Variants in PIK3R3 observed in about 807,000 individuals in gnomAD.
PIK3R3 encodes the protein phosphatidylinositol 3-kinase regulatory subunit gamma.
Under a neutral mutation model 62.9 loss-of-function variants are expected in PIK3R3, and 64 were observed. That is an observed-to-expected ratio of 1.02 (90% CI 0.83 to 1.25). PIK3R3 has a LOEUF of 1.25. Ranked by LOEUF, PIK3R3 falls within the 50% of genes most tolerant of loss-of-function variation. The pLI, the probability that PIK3R3 is intolerant of heterozygous loss-of-function variation, is 0.00. For synonymous variants in PIK3R3, 165 were observed against 189.0 expected, an observed-to-expected ratio of 0.87 and a Z score of 1.04; for missense variants, 614 against 561.6, an observed-to-expected ratio of 1.09 and a Z score of -0.94.
chr1:46,131,601 G>A (rs1571585923), intron 1 of PIK3R3: 2 of 535,564 alleles, frequency 3.7e-6, no homozygotes, highest in South Asian at 1.7e-5. Context: ...ATTTTAAAAA[G>A]GGGTCTCTCC....
At chr1:46,119,913 G>T (rs773893652) in intron 1 of PIK3R3, among the ~76,000 whole-genome samples, 1 of 151,804 alleles carries the variant, frequency 6.6e-6, no homozygotes, top group African/African-American at 2.4e-5. Context: ...AAGTAGCTGG[G>T]ACTATAAGAA....
At chr1:46,143,108 T>C in the PIK3R3 span, among the ~76,000 whole-genome samples, 4 of 152,220 alleles carry the variant, frequency 2.6e-5, no homozygotes, top group Non-Finnish European at 5.9e-5. Flanking sequence ...CACTCAATAA[T>C]GAAATTACAG....
At chr1:46,150,683 T>G in the PIK3R3 span, among the ~76,000 whole-genome samples, 1 of 152,100 alleles carries the variant, frequency 6.6e-6, no homozygotes, top group Non-Finnish European at 1.5e-5. Flanking sequence ...GAACCCAGAG[T>G]GGAAGCAGAG....
chr1:46,149,000 G>T, the PIK3R3 span, among the ~76,000 whole-genome samples: 42 of 152,280 alleles, frequency 2.8e-4, 1 homozygote, highest in Middle Eastern at 0.034. Context: ...AGGTCACAAA[G>T]ACTCCACTGA....
intron 1 of PIK3R3, among the ~76,000 whole-genome samples, chr1:46,108,100 A>G (rs942183686): frequency 6.6e-6 from 1 of 152,210 alleles, no homozygotes; most frequent in Admixed American, 6.5e-5. Context: ...ATTATGCCCT[A>G]AACAATCTCT....
chr1:46,045,617 C>A (rs867566812), intron 9 of PIK3R3, among the ~76,000 whole-genome samples: 2 of 21,212 alleles, frequency 9.4e-5, no homozygotes, highest in Non-Finnish European at 7.9e-5. Context: ...CAATTAAGTG[C>A]TTTTTTTTTT....
rs1027136426 is a variant in PIK3R3 at position 46,129,561 on chromosome 1, G to C, written c.106+2286C>G. On this transcript the variant is annotated intron_variant, in intron 1 of 9. Coordinates refer to ENST00000262741, the MANE Select transcript of PIK3R3 (RefSeq NM_003629.4). ...CCGTGGCTTGAACAGGATAGAAATG[G>C]GAGAGCAGTTAGTACGCTATCACAG... Among the ~76,000 whole-genome samples, 6 of 152,034 alleles carry C rather than the reference G, an allele frequency of 3.9e-5. No homozygotes were observed. In the East Asian group the frequency reaches 1.2e-3, roughly 29 times the overall value.
intron 1 of PIK3R3, among the ~76,000 whole-genome samples, chr1:46,102,379 T>A (rs1652779659): frequency 6.6e-6 from 1 of 152,228 alleles, no homozygotes; most frequent in African/African-American, 2.4e-5. Context: ...GCTACTTGTA[T>A]AAAGGAATCC....
At chr1:46,075,198 A>T (rs1248757975) in intron 3 of PIK3R3, among the ~76,000 whole-genome samples, 3 of 152,264 alleles carry the variant, frequency 2.0e-5, no homozygotes, top group Non-Finnish European at 4.4e-5. Context: ...AACAGTTCAC[A>T]GCATGGACTG....
the PIK3R3 span, among the ~76,000 whole-genome samples, chr1:46,166,978 C>G: frequency 0.034 from 5,223 of 152,336 alleles, 292 homozygotes; most frequent in African/African-American, 0.12. Context: ...CAACCAGGCT[C>G]AGGAGGTCCT....
At chr1:46,100,306 ATTT>A (rs992670093) in intron 1 of PIK3R3, among the ~76,000 whole-genome samples, 5 of 152,248 alleles carry the variant, frequency 3.3e-5, no homozygotes, top group Non-Finnish European at 5.9e-5. Flanking sequence ...CATCACATAC[ATTT>A]TTTAATATGG....
At chr1:46,085,177 C>T (rs981704446) in intron 1 of PIK3R3, among the ~76,000 whole-genome samples, 2 of 152,166 alleles carry the variant, frequency 1.3e-5, no homozygotes, top group African/African-American at 4.8e-5. Flanking sequence ...AAGGCAGTTG[C>T]TACATAAAGT....
At chr1:46,071,759 A>AGAGAGAGAGGGAGAGAGAGAGAGAGAGC (rs777668187) in intron 3 of PIK3R3, among the ~76,000 whole-genome samples, 10 of 100,126 alleles carry the variant, frequency 1.0e-4, no homozygotes, top group South Asian at 9.5e-4. Flanking sequence ...AGAGAGAGAG[A>AGAGAGAGAGGGAGAGAGAGAGAGAGAGC]GCGCGCGCCT....
intron 1 of PIK3R3, among the ~76,000 whole-genome samples, chr1:46,099,583 G>C (rs780072914): frequency 6.6e-6 from 1 of 152,064 alleles, no homozygotes. Context: ...ATACAAGTAG[G>C]TATTTTTATT....
Position 46,132,052 on chromosome 1 carries a change from C to T in PIK3R3, c.-100G>A. 6.7e-7 allele frequency: 1 copy of T among 1,496,872 alleles called. No individual in the cohort carries two copies. Among genetic ancestry groups the T allele is most frequent in the Non-Finnish European group, 8.9e-7 (1 of 1,124,326 alleles). The allele number at this position is 1,496,872 out of a possible 1,614,324, so 92.7% of individuals were successfully genotyped here. ...AATATATATCTGCAAAAGTTCCACA[C>T]GGAAATGTACTTCGGGTTTTCCAAC... On this transcript the variant is annotated 5_prime_UTR_variant, in exon 1 of 10. It adds an upstream start codon to the 5' untranslated region. Transcript: ENST00000262741.
intron 1 of PIK3R3, among the ~76,000 whole-genome samples, chr1:46,086,393 C>G (rs1651057968): frequency 6.6e-6 from 1 of 151,934 alleles, no homozygotes; most frequent in Non-Finnish European, 1.5e-5. Context: ...AAGTTCGAAC[C>G]CACAGTGTGC....
the PIK3R3 span, among the ~76,000 whole-genome samples, chr1:46,172,983 G>A: frequency 6.6e-6 from 1 of 151,776 alleles, no homozygotes; most frequent in Non-Finnish European, 1.5e-5. Context: ...ACAGAGCCAG[G>A]CGCTGTCTCA....
intron 1 of PIK3R3, among the ~76,000 whole-genome samples, chr1:46,117,092 C>G (rs1363478308): frequency 2.0e-5 from 3 of 152,072 alleles, no homozygotes; most frequent in Non-Finnish European, 4.4e-5. Flanking sequence ...CACAGCCCAC[C>G]AAAAAAATTA....
chr1:46,069,317 C>T (rs573325688), intron 3 of PIK3R3, among the ~76,000 whole-genome samples: 9 of 152,116 alleles, frequency 5.9e-5, no homozygotes, highest in Middle Eastern at 3.4e-3. Context: ...ATCAGGAGTT[C>T]GAGACCAGCC....
Sources: gnomAD v4.1 joint callset for allele counts (sites outside exome capture counted in the v4.1 genomes callset) on GRCh38, gnomAD v4.1.1 for gene constraint, MANE v1.5 for transcripts, NCBI Gene and HGNC (gene_info 2026-07-23, HGNC 2026-07-21) for gene names.